The following POC1A variants were observed in gnomAD, a reference collection of about 807,000 sequenced individuals.
POC1A encodes the protein POC1 centriolar protein A.
POC1A carries 34 observed loss-of-function variants against 47.8 expected under a neutral mutation model. The ratio of observed to expected loss-of-function variants is 0.71; its 90% confidence interval spans 0.54 to 0.95. The LOEUF (loss-of-function observed/expected upper bound fraction) is 0.95, where lower values mean the gene tolerates loss of function less well. Among genes scored for constraint, POC1A ranks in the 40% least tolerant of loss-of-function variants. The probability of loss-of-function intolerance (pLI) is 0.00; values close to 1 mark genes in which losing one functional copy is unlikely to be tolerated. For missense variants in POC1A, 466 were observed against 528.3 expected (o/e 0.88, Z 1.16); for synonymous variants, 177 against 207.6 (o/e 0.85, Z 1.27).
intron 10 of POC1A, among the ~76,000 whole-genome samples, chr3:52,080,066 G>A (rs980084533): frequency 6.6e-6 from 1 of 152,140 alleles, no homozygotes; most frequent in African/African-American, 2.4e-5. Context: ...TTCACGGGAC[G>A]CTCGTGTGTG....
chr3:52,098,314 A>G (rs1282333450), intron 9 of POC1A, among the ~76,000 whole-genome samples: 3 of 152,240 alleles, frequency 2.0e-5, no homozygotes, highest in African/African-American at 7.2e-5. Context: ...GGAATGGGCC[A>G]GAGTCTGGTG....
chr3:52,121,426 TG>T (rs1331780877), intron 9 of POC1A, among the ~76,000 whole-genome samples: 5 of 152,120 alleles, frequency 3.3e-5, no homozygotes, highest in Non-Finnish European at 1.5e-5. Context: ...CAGCAACCCT[TG>T]TAAGAAAAAC....
At chr3:52,117,738 T>C (rs777455745) in intron 9 of POC1A, among the ~76,000 whole-genome samples, 15 of 152,066 alleles carry the variant, frequency 9.9e-5, no homozygotes, top group Non-Finnish European at 2.1e-4. Context: ...GAACTCTGTG[T>C]TCTCCTCCCA....
chr3:52,101,481 T>C (rs1703004964), intron 9 of POC1A, among the ~76,000 whole-genome samples: 2 of 152,080 alleles, frequency 1.3e-5, no homozygotes, highest in Non-Finnish European at 1.5e-5. Flanking sequence ...AGATACAAAA[T>C]TTAAAATAAC....
At chr3:52,122,227 A>C in intron 9 of POC1A, 152 bp downstream of exon 9, 1 of 592,226 alleles carries the variant, frequency 1.7e-6, no homozygotes, top group East Asian at 2.8e-5. Flanking sequence ...CACAACTTCC[A>C]AAGTATTTGG....
chr3:52,142,127 G>C (rs943753366), intron 6 of POC1A, among the ~76,000 whole-genome samples: 1 of 152,248 alleles, frequency 6.6e-6, no homozygotes, highest in Non-Finnish European at 1.5e-5. Context: ...TGCATGCTCC[G>C]CATCTGTGAA....
At chr3:52,119,254 C>T (rs756717458) in intron 9 of POC1A, among the ~76,000 whole-genome samples, 2 of 152,114 alleles carry the variant, frequency 1.3e-5, no homozygotes, top group Non-Finnish European at 2.9e-5. Flanking sequence ...ACAGCCCCAT[C>T]TCCAGACACA....
chr3:52,150,218 G>A (rs1186184969), intron 2 of POC1A, among the ~76,000 whole-genome samples: 4 of 152,200 alleles, frequency 2.6e-5, no homozygotes, highest in African/African-American at 4.8e-5. Context: ...GAATAAGACC[G>A]AGGCCCTTCC....
chr3:52,117,966 G>A (rs1046014280), intron 9 of POC1A, among the ~76,000 whole-genome samples: 8 of 152,214 alleles, frequency 5.3e-5, no homozygotes, highest in Non-Finnish European at 1.2e-4. Flanking sequence ...TATGCCTCGG[G>A]GTCAGGCCCC....
At chr3:52,139,039 C>G (rs1385306168) in intron 6 of POC1A, among the ~76,000 whole-genome samples, 1 of 152,142 alleles carries the variant, frequency 6.6e-6, no homozygotes, top group African/African-American at 2.4e-5. Flanking sequence ...ACCATGTTAA[C>G]CAGGCTGGTC....
At position 52,149,354 on chromosome 3, in the gene POC1A, G is replaced by T. The variant is rs1698475993; in HGVS notation, c.311C>A (p.Ala104Asp). 1 of 1,614,024 alleles carries T rather than the reference G, an allele frequency of 6.2e-7. No individual in the cohort carries two copies. The highest frequency in any genetic ancestry group is 1.3e-5 in the African/African-American group (1 of 74,930). ...GESTVFRAHT[A>D]TVRSVHFCSD... is the part of the protein sequence containing the mutation. ...GCAGAAGTGGACACTCCTCACTGTG[G>T]CTGTGTGTGCACGAAACACAGTGGA... Residue 104 changes from alanine to aspartate, a missense_variant, in exon 4 of 11, where the codon GCC (alanine) becomes GAC (aspartate). Coordinates refer to ENST00000296484, the MANE Select transcript of POC1A (RefSeq NM_015426.5).
chr3:52,094,045 C>T (rs1197593841), intron 10 of POC1A, among the ~76,000 whole-genome samples: 1 of 152,210 alleles, frequency 6.6e-6, no homozygotes, highest in East Asian at 1.9e-4. Context: ...ACCCAGAAGG[C>T]AGCTTCCCTC....
At chr3:52,145,982 A>G (rs1698351994) in intron 5 of POC1A, 21 bp from the exon 6 acceptor site, 1 of 1,459,484 alleles carries the variant, frequency 6.9e-7, no homozygotes, top group Non-Finnish European at 9.6e-7. Context: ...AGGGGCCACT[A>G]TGCACTATAG....
At chr3:52,078,963 G>A (rs1249820720) in intron 10 of POC1A, among the ~76,000 whole-genome samples, 1 of 152,220 alleles carries the variant, frequency 6.6e-6, no homozygotes, top group Non-Finnish European at 1.5e-5. Flanking sequence ...GCCACCTGCA[G>A]GGAGTCTGTC....
intron 10 of POC1A, among the ~76,000 whole-genome samples, chr3:52,082,692 G>T (rs1181327415): frequency 3.3e-5 from 5 of 152,122 alleles, no homozygotes; most frequent in Admixed American, 6.5e-5. Flanking sequence ...GGCCTTCTGA[G>T]CATGGTATAA....
rs543188755 is a variant in POC1A at position 52,103,344 on chromosome 3, T to G, written c.982-6632A>C. On this transcript the variant is annotated intron_variant, in intron 9 of 10. Transcript: ENST00000296484. ...GAGTTTGAGACCAGCCTGGCCAAAA[T>G]GGCAACACCACGTCTCTACTAAAAT... 4.6e-5 allele frequency among the ~76,000 whole-genome samples: 7 copies of G among 152,254 alleles called. No individual in the cohort carries two copies. The South Asian group carries it at 1.5e-3, about 32-fold the overall frequency.
chr3:52,105,100 T>C (rs969170570), intron 9 of POC1A, among the ~76,000 whole-genome samples: 2 of 152,236 alleles, frequency 1.3e-5, no homozygotes, highest in Non-Finnish European at 2.9e-5. Context: ...CAAAGCTTGA[T>C]TCTAGGCAAG....
At chr3:52,137,474 A>G (rs1704518231) in intron 7 of POC1A, among the ~76,000 whole-genome samples, 1 of 152,138 alleles carries the variant, frequency 6.6e-6, no homozygotes, top group Admixed American at 6.5e-5. Flanking sequence ...CTACGCCCCA[A>G]CAGGAGACAT....
intron 7 of POC1A, among the ~76,000 whole-genome samples, chr3:52,126,581 T>C (rs565567782): frequency 1.2e-4 from 19 of 152,342 alleles, no homozygotes; most frequent in African/African-American, 3.6e-4. Context: ...CGGTGACCCT[T>C]TGCCTTAGTC....
Sources: gnomAD v4.1 joint callset for allele counts (sites outside exome capture counted in the v4.1 genomes callset) on GRCh38, gnomAD v4.1.1 for gene constraint, MANE v1.5 for transcripts, NCBI Gene and HGNC (gene_info 2026-07-23, HGNC 2026-07-21) for gene names.